BPIFC: variants seen among roughly 807,000 people sequenced by gnomAD.
BPIFC encodes the protein BPI fold containing family C.
BPIFC carries 60 observed loss-of-function variants against 57.6 expected under a neutral mutation model. The observed-to-expected ratio is 1.04, with a 90% CI of 0.85 to 1.29. The LOEUF (loss-of-function observed/expected upper bound fraction) is 1.29, where lower values mean the gene tolerates loss of function less well. Among genes scored for constraint, BPIFC ranks in the 50% most tolerant of loss-of-function variants. The probability of loss-of-function intolerance (pLI) is 0.00; values close to 1 mark genes in which losing one functional copy is unlikely to be tolerated. For missense variants in BPIFC, 581 were observed against 600.5 expected, an observed-to-expected ratio of 0.97 and a Z score of 0.34; for synonymous variants, 243 against 224.5, an observed-to-expected ratio of 1.08 and a Z score of -0.74.
In BPIFC at chr22:32,435,871, A is replaced by G; in HGVS notation, c.757T>C (p.Tyr253His). 1.9e-6 allele frequency: 3 copies of G among 1,613,286 alleles called. No homozygotes were observed. Among genetic ancestry groups the G allele is most frequent in the East Asian group, 2.2e-5 (1 of 44,872 alleles). ...YLDLNLKGVF[Y>H]PLENLTDPPF... ...GGGTCGGTGAGGTTTTCCAGTGGGT[A>G]GAATACACCCTGTGGGAAAAGAGAG... Residue 253 changes from tyrosine (Y) to histidine (H), a missense_variant, in exon 10 of 17, where the codon TAC becomes CAC. Physicochemically the swap from Tyr to His is moderately conservative, Grantham distance 83. Transcript: ENST00000300399.
Position 32,415,570 on chromosome 22 carries a change from C to T in BPIFC, c.1401+345G>A, listed in dbSNP as rs58797492. On this transcript the variant is annotated intron_variant, in intron 16 of 16. Coordinates refer to ENST00000300399, the MANE Select transcript of BPIFC (RefSeq NM_174932.3). Reference sequence around the variant, plus strand: ...TCCTTTCCAGCTGCCTGAGCCACTTCTCTCTGAGTCCTCCTTTCCTCATCT... The same window carrying T: ...TCCTTTCCAGCTGCCTGAGCCACTTTTCTCTGAGTCCTCCTTTCCTCATCT... Among the ~76,000 whole-genome samples, 937 of 152,206 alleles carry T rather than the reference C, an allele frequency of 6.2e-3. 25 individuals carry two copies. In the East Asian group the frequency reaches 0.083, roughly 13 times the overall value.
chr22:32,451,698 AAT>A (rs575295941), intron 4 of BPIFC, among the ~76,000 whole-genome samples: 6 of 151,886 alleles, frequency 4.0e-5, no homozygotes, highest in Non-Finnish European at 7.4e-5. Context: ...AAGTATAATA[AAT>A]ATATATATAA....
At chr22:32,443,583 A>G (rs933587275) in intron 7 of BPIFC, among the ~76,000 whole-genome samples, 19 of 152,312 alleles carry the variant, frequency 1.2e-4, no homozygotes, top group African/African-American at 4.6e-4. Flanking sequence ...CTTGAGTCAC[A>G]TTAATATTTT....
intron 11 of BPIFC, among the ~76,000 whole-genome samples, 196 bp from the exon 12 acceptor site, chr22:32,432,739 T>C (rs1042369607): frequency 2.0e-5 from 3 of 152,216 alleles, no homozygotes; most frequent in Non-Finnish European, 4.4e-5. Context: ...TAATACTTGA[T>C]ACTACCCACT....
intron 6 of BPIFC, 70 bp downstream of exon 6, chr22:32,445,771 A>G: frequency 3.2e-6 from 5 of 1,563,256 alleles, no homozygotes; most frequent in Non-Finnish European, 4.3e-6. Flanking sequence ...CCATTTGTAA[A>G]CCTTCCCTAG....
chr22:32,417,224 G>A lies in BPIFC; in HGVS notation c.1261-76C>T. The A allele has an allele frequency of 7.4e-6, 8 of 1,087,268 alleles. No homozygotes were observed. The South Asian group carries it at 1.0e-4, about 14-fold the overall frequency. The allele number at this position is 1,087,268 out of a possible 1,614,324, so 67.4% of individuals were successfully genotyped here. On this transcript the variant is annotated intron_variant, in intron 14 of 16. Coordinates refer to ENST00000300399, the MANE Select transcript of BPIFC (RefSeq NM_174932.3). ...TTTTTTTTGCTTTGTTACCCAGGCT[G>A]GAGTGCAGTAGTGTGATCATGGCTC...
At chr22:32,424,605 T>A (rs1358408563) in intron 13 of BPIFC, among the ~76,000 whole-genome samples, 1 of 56,146 alleles carries the variant, frequency 1.8e-5, no homozygotes, top group South Asian at 4.5e-4. Flanking sequence ...CTTCTTCTCC[T>A]CCTCCTCCTC....
chr22:32,424,750 T>C (rs12172301), intron 13 of BPIFC, among the ~76,000 whole-genome samples: 7 of 74,742 alleles, frequency 9.4e-5, no homozygotes, highest in Non-Finnish European at 1.4e-4. Flanking sequence ...CCTCTTCTTC[T>C]TCCTCTTCTT....
intron 14 of BPIFC, among the ~76,000 whole-genome samples, chr22:32,419,064 GAAAACA>G (rs1330181060): frequency 6.6e-6 from 1 of 152,026 alleles, no homozygotes; most frequent in Non-Finnish European, 1.5e-5. Flanking sequence ...ATTTTATTGA[GAAAACA>G]GGCATTCCCT....
rs375583747 is a variant in BPIFC at position 32,457,367 on chromosome 22, G to A, written c.20C>T (p.Pro7Leu). MCTKTIPVLWGCFLLWN... is the reference protein window; with the variant it reads MCTKTILVLWGCFLLWN... Reference sequence around the variant, plus strand: ...CAGGAGGAAACATCCCCAGAGGACTGGGATTGTCTTTGTACACATCTGAAA... The same window carrying A: ...CAGGAGGAAACATCCCCAGAGGACTAGGATTGTCTTTGTACACATCTGAAA... The change falls in exon 3 of 17, where the codon CCA (proline) becomes CTA (leucine). Residue 7 changes from proline (P) to leucine (L), a missense_variant. Transcript: ENST00000300399. The A allele has an allele frequency of 3.0e-5, 48 of 1,610,766 alleles. No homozygotes were observed. Among genetic ancestry groups the A allele is most frequent in the Middle Eastern group, 1.6e-4 (1 of 6,068 alleles).
In BPIFC at chr22:32,435,788, A is replaced by G. The variant is rs1333226104; in HGVS notation, c.840T>C (p.Ile280=). 6.2e-7 allele frequency: 1 copy of G among 1,614,202 alleles called. No homozygotes were observed. Among genetic ancestry groups the G allele is most frequent in the Non-Finnish European group, 8.5e-7 (1 of 1,180,040 alleles). The change falls in exon 10 of 17, where the codon ATT becomes ATC. Residue 280 remains isoleucine (I), a synonymous_variant. Coordinates refer to ENST00000300399, the MANE Select transcript of BPIFC (RefSeq NM_174932.3). ...LPERSNSMLY[I]GIAEYFFKSA... Reference sequence around the variant, plus strand: ...ATTTAAAGAAATACTCGGCGATTCCAATGTAGAGCATGGAGTTGCTGCGTT... The same window carrying G: ...ATTTAAAGAAATACTCGGCGATTCCGATGTAGAGCATGGAGTTGCTGCGTT...
chr22:32,450,800 G>C (rs909005474), intron 4 of BPIFC, among the ~76,000 whole-genome samples: 2 of 152,042 alleles, frequency 1.3e-5, no homozygotes, highest in African/African-American at 4.8e-5. Context: ...GGGATGATAA[G>C]TAAGTATAAA....
intron 13 of BPIFC, among the ~76,000 whole-genome samples, chr22:32,419,904 G>C (rs1933793253): frequency 6.6e-6 from 1 of 151,782 alleles, no homozygotes; most frequent in African/African-American, 2.4e-5. Flanking sequence ...CCTATATTTT[G>C]CTGCTTAAGA....
intron 13 of BPIFC, among the ~76,000 whole-genome samples, chr22:32,423,852 A>G (rs892379101): frequency 6.6e-6 from 1 of 151,886 alleles, no homozygotes; most frequent in African/African-American, 2.4e-5. Context: ...TATGTCTACT[A>G]TGTGGGCCAA....
intron 3 of BPIFC, 54 bp from the exon 4 acceptor site, chr22:32,453,557 T>A: frequency 6.6e-7 from 1 of 1,524,394 alleles, no homozygotes; most frequent in Non-Finnish European, 8.7e-7. Flanking sequence ...AATAATAGCA[T>A]AATAACATTA....
chr22:32,426,675 T>C (rs1334140089), intron 13 of BPIFC, among the ~76,000 whole-genome samples: 1 of 151,984 alleles, frequency 6.6e-6, no homozygotes, highest in Non-Finnish European at 1.5e-5. Context: ...GTGGATCACC[T>C]GAGGTCAGGA....
At position 32,447,329 on chromosome 22, in the gene BPIFC, C is replaced by A; in HGVS notation, c.257G>T (p.Ser86Ile). The change falls in exon 5 of 17, where the codon AGT becomes ATT. Residue 86 changes from serine to isoleucine, a missense_variant. By Grantham distance (142) the Ser-to-Ile change is moderately radical (BLOSUM62 -2). Transcript: ENST00000300399. ...VNYNFSNIKISAFSFPNTSLA... is the reference protein window; with the variant it reads ...VNYNFSNIKIIAFSFPNTSLA... ...TGAGGTATTTGGAAATGAAAAGGCA[C>A]TGATTTTTATACTGTAAAACCAGAA... 6.2e-7 allele frequency: 1 copy of A among 1,613,514 alleles called. No homozygotes were observed. The highest frequency in any genetic ancestry group is 8.5e-7 in the Non-Finnish European group (1 of 1,179,866).
At chr22:32,425,022 T>C (rs1375589617) in intron 13 of BPIFC, among the ~76,000 whole-genome samples, 1 of 152,064 alleles carries the variant, frequency 6.6e-6, no homozygotes, top group East Asian at 1.9e-4. Flanking sequence ...CCTCAGATGA[T>C]TCACCTGCCT....
At chr22:32,447,111 G>A (rs1934750878) in intron 5 of BPIFC, 101 bp downstream of exon 5, 1 of 1,377,852 alleles carries the variant, frequency 7.3e-7, no homozygotes, top group Admixed American at 2.7e-5. Flanking sequence ...TAATAATGAG[G>A]GAAAGAAGCC....
Sources: gnomAD v4.1 joint callset for allele counts (sites outside exome capture counted in the v4.1 genomes callset) on GRCh38, gnomAD v4.1.1 for gene constraint, MANE v1.5 for transcripts, NCBI Gene and HGNC (gene_info 2026-07-23, HGNC 2026-07-21) for gene names.